SEPTIN9: variants seen among roughly 807,000 people sequenced by gnomAD.
SEPTIN9 encodes septin 9, also known as septin-9.
Under a neutral mutation model 56.6 loss-of-function variants are expected in SEPTIN9, and 13 were observed. The observed-to-expected ratio is 0.23, with a 90% CI of 0.15 to 0.37. The LOEUF is 0.37. Among genes scored for constraint, SEPTIN9 ranks in the 10% least tolerant of loss-of-function variants. The pLI is 1.00. For synonymous variants in SEPTIN9, 332 were observed against 334.1 expected (o/e 0.99, Z 0.07); for missense variants, 650 against 823.1 (o/e 0.79, Z 2.57).
chr17:77,394,033 A>G (rs1338533996), intron 2 of SEPTIN9, among the ~76,000 whole-genome samples: 2 of 152,280 alleles, frequency 1.3e-5, no homozygotes, highest in Non-Finnish European at 2.9e-5. Context: ...GTGCAGGCCC[A>G]TACGTCCTGT....
At chr17:77,331,641 T>C (rs1190425632) in intron 2 of SEPTIN9, among the ~76,000 whole-genome samples, 1 of 152,120 alleles carries the variant, frequency 6.6e-6, no homozygotes, top group Non-Finnish European at 1.5e-5. Flanking sequence ...GCATTTTCAC[T>C]GAATTTGTGG....
At chr17:77,358,291 C>T (rs2034316447) in intron 2 of SEPTIN9, among the ~76,000 whole-genome samples, 2 of 152,144 alleles carry the variant, frequency 1.3e-5, no homozygotes, top group Admixed American at 6.6e-5. Flanking sequence ...TTGTGTTTGT[C>T]CCCTCTGAAG....
intron 3 of SEPTIN9, among the ~76,000 whole-genome samples, chr17:77,404,897 A>G (rs2036012971): frequency 6.6e-6 from 1 of 152,206 alleles, no homozygotes; most frequent in Non-Finnish European, 1.5e-5. Flanking sequence ...TGCTGGTGGC[A>G]TGGTGTCAGG....
intron 2 of SEPTIN9, among the ~76,000 whole-genome samples, chr17:77,352,555 G>A (rs577761588): frequency 5.3e-5 from 8 of 152,310 alleles, no homozygotes; most frequent in Admixed American, 3.9e-4. Context: ...CGAGCTCTGC[G>A]GCGGCCAGCA....
chr17:77,407,735 C>T (rs1221653886), intron 3 of SEPTIN9, among the ~76,000 whole-genome samples: 1 of 152,238 alleles, frequency 6.6e-6, no homozygotes, highest in African/African-American at 2.4e-5. Context: ...GTTTCCGAGG[C>T]TCTGGCCCTG....
At chr17:77,382,298 G>A (rs1030111058) in intron 2 of SEPTIN9, among the ~76,000 whole-genome samples, 2 of 152,268 alleles carry the variant, frequency 1.3e-5, no homozygotes, top group African/African-American at 4.8e-5. Context: ...CAAAGTGCTG[G>A]GATTACAGGT....
At chr17:77,345,403 C>T (rs1180610899) in intron 2 of SEPTIN9, among the ~76,000 whole-genome samples, 1 of 152,208 alleles carries the variant, frequency 6.6e-6, no homozygotes, top group East Asian at 1.9e-4. Context: ...GAACTCGGAG[C>T]GTCCTCCACA....
chr17:77,476,798 TG>T lies in SEPTIN9; in HGVS notation c.722-5345del, dbSNP rs781365510. Among the ~76,000 whole-genome samples, 4 of 152,202 alleles carry T rather than the reference TG, an allele frequency of 2.6e-5. No homozygotes were observed. Among genetic ancestry groups the T allele is most frequent in the Non-Finnish European group, 4.4e-5 (3 of 68,036 alleles). On this transcript the variant is annotated intron_variant, in intron 3 of 11. Coordinates refer to ENST00000427177, the MANE Select transcript of SEPTIN9 (RefSeq NM_001113491.2). This position sits in a 1 kb window ranked among gnomAD's most constrained non-coding sequence, Gnocchi z 6.0. ...CTTGCTGCAAGAAGATGGGGGAGTT[TG>T]TCTGGGGCATGGTCTGGCGACACCA...
chr17:77,417,843 G>A (rs139127496), intron 3 of SEPTIN9, among the ~76,000 whole-genome samples: 145 of 152,308 alleles, frequency 9.5e-4, no homozygotes, highest in African/African-American at 3.4e-3. Context: ...ACCGGAGGGG[G>A]GGTTCCAGGA....
intron 2 of SEPTIN9, among the ~76,000 whole-genome samples, chr17:77,364,844 C>T (rs531495421): frequency 2.0e-5 from 3 of 152,364 alleles, no homozygotes; most frequent in South Asian, 2.1e-4. Flanking sequence ...GGAGGCTCCC[C>T]ACTTCCACTC....
At chr17:77,422,439 C>T (rs754174138) in intron 3 of SEPTIN9, among the ~76,000 whole-genome samples, 3 of 152,188 alleles carry the variant, frequency 2.0e-5, no homozygotes, top group Non-Finnish European at 4.4e-5. Flanking sequence ...AGGGGAGCTT[C>T]TCCCCTTGTC....
intron 3 of SEPTIN9, among the ~76,000 whole-genome samples, chr17:77,410,043 TA>T (rs1336414494): frequency 6.6e-6 from 1 of 152,156 alleles, no homozygotes; most frequent in East Asian, 1.9e-4. Context: ...GTGGGTGTTA[TA>T]AGTGACTCTG....
intron 2 of SEPTIN9, among the ~76,000 whole-genome samples, chr17:77,321,552 A>G (rs1338457465): frequency 6.6e-6 from 1 of 151,828 alleles, no homozygotes; most frequent in East Asian, 1.9e-4. Context: ...GGCGCCCGCC[A>G]TATTTTTTTG....
At chr17:77,281,665 C>G (rs969705434) in intron 1 of SEPTIN9, 111 bp downstream of exon 1, 76 of 1,099,636 alleles carry the variant, frequency 6.9e-5, no homozygotes, top group Non-Finnish European at 9.4e-5. Flanking sequence ...AGCGAGTCCC[C>G]GCGGCGGGCA....
At chr17:77,350,799 C>T (rs2034035818) in intron 2 of SEPTIN9, among the ~76,000 whole-genome samples, 1 of 152,224 alleles carries the variant, frequency 6.6e-6, no homozygotes, top group African/African-American at 2.4e-5. Context: ...CGAGGCATGC[C>T]TTCCACAACT....
At chr17:77,368,414 C>T (rs1298478420) in intron 2 of SEPTIN9, among the ~76,000 whole-genome samples, 7 of 151,444 alleles carry the variant, frequency 4.6e-5, no homozygotes, top group Non-Finnish European at 5.9e-5. Context: ...CAGGTTCAGG[C>T]GATTCTCGTG....
intron 3 of SEPTIN9, among the ~76,000 whole-genome samples, chr17:77,464,120 C>G (rs12949933): frequency 6.6e-6 from 1 of 152,124 alleles, no homozygotes; most frequent in African/African-American, 2.4e-5. Context: ...GTTGCCCAGG[C>G]TGGAGTGCAG....
chr17:77,388,139 C>G (rs1382997288), intron 2 of SEPTIN9, among the ~76,000 whole-genome samples: 2 of 152,184 alleles, frequency 1.3e-5, no homozygotes, highest in Non-Finnish European at 2.9e-5. Context: ...AGGGGCCCGC[C>G]CTGCCCGCTA....
At chr17:77,305,436 T>C (rs755153540) in intron 1 of SEPTIN9, among the ~76,000 whole-genome samples, 1 of 152,128 alleles carries the variant, frequency 6.6e-6, no homozygotes, top group South Asian at 2.1e-4. Flanking sequence ...GTGTCCCTGC[T>C]CAGCGTCCTC....
Sources: allele counts gnomAD v4.1 joint callset (sites outside exome capture counted in the v4.1 genomes callset), GRCh38; gene constraint gnomAD v4.1.1; non-coding constraint Gnocchi (gnomAD v3.1); transcripts MANE v1.5; gene names NCBI Gene and HGNC (gene_info 2026-07-23, HGNC 2026-07-21).